Variants in LILRA5 observed in about 807,000 individuals in gnomAD.
The protein encoded by LILRA5 is leukocyte immunoglobulin like receptor A5.
A neutral mutation model predicts 36.3 loss-of-function variants in LILRA5; 31 were observed. The observed-to-expected ratio is 0.85, with a 90% confidence interval of 0.64 to 1.15. The LOEUF (loss-of-function observed/expected upper bound fraction) is 1.15, where lower values mean the gene tolerates loss of function less well. Ranked by LOEUF, LILRA5 falls within the 50% of genes most tolerant of loss-of-function variation. The pLI, the probability that LILRA5 is intolerant of heterozygous loss-of-function variation, is 0.00. For missense variants in LILRA5, 348 were observed against 377.4 expected, an observed-to-expected ratio of 0.92 and a Z score of 0.64; for synonymous variants, 144 against 144.8, an observed-to-expected ratio of 0.99 and a Z score of 0.04.
chr19:54,310,023 G>A, intron 5 of LILRA5: 2 of 319,266 alleles, frequency 6.3e-6, no homozygotes, highest in South Asian at 2.4e-5. Context: ...GAGCAGGTCT[G>A]GCGTGGACTC....
Position 54,311,283 on chromosome 19 carries a change from T to C in LILRA5, c.712+131A>G. The C allele has an allele frequency of 1.9e-6, 3 of 1,593,276 alleles. No individual in the cohort carries two copies. The South Asian group carries it at 3.4e-5, about 18-fold the overall frequency. ...TGCTTTGTTTTCCTCACCCTGAATTTGTGTCCCTAGGATTTCTGTGTTCTC... is the reference window on the plus strand; with the variant it reads ...TGCTTTGTTTTCCTCACCCTGAATTCGTGTCCCTAGGATTTCTGTGTTCTC... On this transcript the variant is annotated intron_variant, in intron 5 of 6. Transcript: ENST00000432233.
rs755660040 is a variant in LILRA5, at chr19:54,307,721, T to G, written c.740A>C (p.Gln247Pro). The change falls in exon 6 of 7, where the codon CAA becomes CCA. Residue 247 changes from glutamine (Q) to proline (P), a missense_variant. By Grantham distance (76) the Gln-to-Pro change is moderately conservative (BLOSUM62 -1). Coordinates refer to ENST00000432233, the MANE Select transcript of LILRA5 (RefSeq NM_021250.4). ...ACCAGTCCCAGAGTCAGACTTGTTT[T>G]GTGACGGACTGAGGTTATCAGCTGC... ...SGAADNLSPS[Q>P]NKSDSGTASH... 1 of 1,614,144 alleles carries G rather than the reference T, an allele frequency of 6.2e-7. No individual in the cohort carries two copies. Among genetic ancestry groups the G allele is most frequent in the Non-Finnish European group, 8.5e-7 (1 of 1,180,018 alleles).
In LILRA5 at chr19:54,307,311, T is replaced by G; in HGVS notation, c.*102A>C. ...AAAAAAAGAAATTGCCAGCAGACAGTCCAGATGGCATAGGCCTCAGATGGT... is the reference window on the plus strand; with the variant it reads ...AAAAAAAGAAATTGCCAGCAGACAGGCCAGATGGCATAGGCCTCAGATGGT... On this transcript the variant is annotated 3_prime_UTR_variant, in exon 7 of 7. Coordinates refer to ENST00000432233, the MANE Select transcript of LILRA5 (RefSeq NM_021250.4). The G allele has an allele frequency of 1.0e-6, 1 of 1,004,350 alleles. No individual in the cohort carries two copies. The highest frequency in any genetic ancestry group is 1.4e-6 in the Non-Finnish European group (1 of 716,286). The allele number at this position is 1,004,350 out of a possible 1,614,324, so 62.2% of individuals were successfully genotyped here.
chr19:54,312,385 C>T lies in LILRA5; in HGVS notation c.89-15G>A, dbSNP rs1487838813. ...CAGACTCAGCCCTGGAAGAGAGTTCCCTGTGAGAGATTTGCCTCTGAAGCC... is the reference window on the plus strand; with the variant it reads ...CAGACTCAGCCCTGGAAGAGAGTTCTCTGTGAGAGATTTGCCTCTGAAGCC... On this transcript the variant is annotated splice_polypyrimidine_tract_variant and intron_variant, in intron 2 of 6. Transcript: ENST00000432233. The T allele has an allele frequency of 1.2e-6, 2 of 1,614,202 alleles. No individual in the cohort carries two copies. Among genetic ancestry groups the T allele is most frequent in the Admixed American group, 1.7e-5 (1 of 60,018 alleles).
In LILRA5 at chr19:54,311,457, C is replaced by T; in HGVS notation, c.669G>A (p.Gln223=). ...RCYGSRRHIL[Q]VWSEPSDLLE... ...GGAGGTCACTGGGTTCTGACCATAC[C>T]TGCAGGATATGCCTGCGAGAGCCAT... is the stretch of plus-strand genomic sequence containing the variant. The change falls in exon 5 of 7, where the codon CAG becomes CAA. Residue 223 remains glutamine, a synonymous_variant. Coordinates refer to ENST00000432233, the MANE Select transcript of LILRA5 (RefSeq NM_021250.4). The T allele has an allele frequency of 6.2e-7, 1 of 1,614,126 alleles. No individual in the cohort carries two copies. The highest frequency in any genetic ancestry group is 1.1e-5 in the South Asian group (1 of 91,084).
chr19:54,308,988 T>A (rs1171984175), intron 5 of LILRA5: 2 of 152,150 alleles, frequency 1.3e-5, no homozygotes, highest in Non-Finnish European at 2.9e-5. Flanking sequence ...AAAATTGATA[T>A]GCGGTTTAGA....
intron 1 of LILRA5, 62 bp downstream of exon 1, chr19:54,312,954 TC>T: frequency 6.2e-7 from 1 of 1,610,620 alleles, no homozygotes; most frequent in Admixed American, 1.7e-5. Context: ...TCTCAGAGCC[TC>T]CCCATGGGGT....
Position 54,307,970 on chromosome 19 carries a change from A to C in LILRA5, c.713-222T>G, listed in dbSNP as rs902003951. On this transcript the variant is annotated intron_variant, in intron 5 of 6. Transcript: ENST00000432233. Reference sequence around the variant, plus strand: ...TCTTTGAATTTAAACTTTGCTCCTGAGTCATTTGGGAAAGAGCTTTCCTGC... The same window carrying C: ...TCTTTGAATTTAAACTTTGCTCCTGCGTCATTTGGGAAAGAGCTTTCCTGC... 5.2e-6 allele frequency: 3 copies of C among 576,928 alleles called. No homozygotes were observed. The African/African-American group carries it at 5.6e-5, about 11-fold the overall frequency. The allele number at this position is 576,928 out of a possible 1,614,324, so 35.7% of individuals were successfully genotyped here. A position where few individuals can be genotyped will look rare whatever the true frequency, so the allele number is the denominator to read the frequency against.
At chr19:54,309,682 A>T (rs1487537803) in intron 5 of LILRA5, 1 of 152,216 alleles carries the variant, frequency 6.6e-6, no homozygotes. Flanking sequence ...AGCAAATGTA[A>T]ATATTGAATT....
chr19:54,311,614 A>G lies in LILRA5; in HGVS notation c.512T>C (p.Phe171Ser). Reference sequence around the variant, plus strand: ...GTGGTCTCCTTCCTCAGTCAGAATGAACCTGTCGAATCTCAGCCGTGAGCC... The same window carrying G: ...GTGGTCTCCTTCCTCAGTCAGAATGGACCTGTCGAATCTCAGCCGTGAGCC... Reference protein sequence around the residue: ...QCGSRLRFDRFILTEEGDHKL... With the variant: ...QCGSRLRFDRSILTEEGDHKL... The change falls in exon 5 of 7, where the codon TTC (phenylalanine) becomes TCC (serine). Residue 171 changes from phenylalanine (F) to serine (S), a missense_variant. By Grantham distance (155) the Phe-to-Ser change is radical. Coordinates refer to ENST00000432233, the MANE Select transcript of LILRA5 (RefSeq NM_021250.4). The G allele has an allele frequency of 6.2e-7, 1 of 1,614,154 alleles. No homozygotes were observed. The highest frequency in any genetic ancestry group is 8.5e-7 in the Non-Finnish European group (1 of 1,180,018).
At chr19:54,307,883 T>A in intron 5 of LILRA5, 135 bp from the exon 6 acceptor site, 1 of 685,928 alleles carries the variant, frequency 1.5e-6, no homozygotes, top group Non-Finnish European at 2.6e-6. Flanking sequence ...CCATAAACCC[T>A]CCCTCTGCTG....
chr19:54,312,198 C>T (rs1442216883), intron 3 of LILRA5, 50 bp from the exon 4 acceptor site: 1 of 1,610,408 alleles, frequency 6.2e-7, no homozygotes, highest in African/African-American at 1.3e-5. Flanking sequence ...CCCCTCAGAT[C>T]CCAGCTCTCA....
At position 54,312,024 on chromosome 19, in the gene LILRA5, G is replaced by A. The variant is rs1198624905; in HGVS notation, c.249C>T (p.Ser83=). 6.2e-7 allele frequency: 1 copy of A among 1,614,178 alleles called. No individual in the cohort carries two copies. Among genetic ancestry groups the A allele is most frequent in the Non-Finnish European group, 8.5e-7 (1 of 1,180,018 alleles). Residue 83 remains serine, a synonymous_variant, in exon 4 of 7, where the codon AGC becomes AGT. Transcript: ENST00000432233. ...AQEYRLVKEG[S]PEPWDTQNPL... ...GGTTCTGTGTGTCCCAGGGTTCTGG[G>A]CTTCCCTCTTTAACCAGACGGTATT...
intron 5 of LILRA5, chr19:54,308,364 T>TAA (rs2080932256): frequency 6.7e-5 from 1 of 14,832 alleles, no homozygotes; most frequent in East Asian, 1.1e-3. Flanking sequence ...AATATATATA[T>TAA]ATATATATAT....
chr19:54,307,900 G>C, intron 5 of LILRA5, 152 bp from the exon 6 acceptor site: 1 of 641,108 alleles, frequency 1.6e-6, no homozygotes, highest in Admixed American at 2.5e-5. Context: ...GCTGGAGCAG[G>C]GTTCCCTCCA....
chr19:54,308,642 A>G (rs2781751), intron 5 of LILRA5: 110,781 of 151,308 alleles, frequency 0.73, 41,707 homozygotes, highest in African/African-American at 0.87. Context: ...CAGGAGAATC[A>G]CTTGAACCTG....
intron 5 of LILRA5, chr19:54,310,018 G>T: frequency 3.2e-6 from 1 of 315,556 alleles, no homozygotes. Flanking sequence ...TAAAGGAGCA[G>T]GTCTGGCGTG....
At position 54,307,270 on chromosome 19, in the gene LILRA5, A is replaced by G; in HGVS notation, c.*143T>C. 1 of 586,712 alleles carries G rather than the reference A, an allele frequency of 1.7e-6. No individual in the cohort carries two copies. Among genetic ancestry groups the G allele is most frequent in the Non-Finnish European group, 2.6e-6 (1 of 385,988 alleles). 36.3% of individuals were successfully genotyped at this position (586,712 alleles called of 1,614,324 possible). The stretch of plus-strand genomic sequence containing the variant: ...AAAAAAAAAAAAAAAAAAAAAAGAA[A>G]GAAAAGAAAAGAAAGAAAAAAAGAA... On this transcript the variant is annotated 3_prime_UTR_variant, in exon 7 of 7. Transcript: ENST00000432233.
chr19:54,307,750 T>G lies in LILRA5; in HGVS notation c.713-2A>C. 1 of 1,613,896 alleles carries G rather than the reference T, an allele frequency of 6.2e-7. No individual in the cohort carries two copies. On this transcript the variant is annotated splice_acceptor_variant, in intron 5 of 6. Coordinates refer to ENST00000432233, the MANE Select transcript of LILRA5 (RefSeq NM_021250.4). LOFTEE classifies it high-confidence loss of function. ...ACGGACTGAGGTTATCAGCTGCTCC[T>G]GAAAATCAAAACAGGGGAAGGGGAA...
Sources: allele counts gnomAD v4.1 joint callset, GRCh38; gene constraint gnomAD v4.1.1; transcripts MANE v1.5; gene names NCBI Gene and HGNC (gene_info 2026-07-23, HGNC 2026-07-21).